DENND1A: variants seen among roughly 807,000 people sequenced by gnomAD.
DENND1A encodes the protein DENN domain containing 1A.
Under a neutral mutation model 113.7 loss-of-function variants are expected in DENND1A, and 51 were observed. That is an observed-to-expected ratio of 0.45 (90% CI 0.36 to 0.57). The LOEUF is 0.57. DENND1A is among the 20% of genes least tolerant of loss of function. The pLI, the probability that DENND1A is intolerant of heterozygous loss-of-function variation, is 0.00. For synonymous variants in DENND1A, 565 were observed against 570.8 expected, an observed-to-expected ratio of 0.99 and a Z score of 0.14; for missense variants, 1,258 against 1,395.9, an observed-to-expected ratio of 0.90 and a Z score of 1.57.
chr9:123,843,948 T>C (rs949866678), intron 2 of DENND1A, among the ~76,000 whole-genome samples: 6 of 152,132 alleles, frequency 3.9e-5, no homozygotes, highest in African/African-American at 1.4e-4. Flanking sequence ...AAGCCGTATC[T>C]AGAGAATGAT....
chr9:123,878,579 T>C (rs1346189605), intron 2 of DENND1A, among the ~76,000 whole-genome samples: 1 of 152,224 alleles, frequency 6.6e-6, no homozygotes, highest in Non-Finnish European at 1.5e-5. Flanking sequence ...TATTATTTTG[T>C]ATCCTATAAT....
At chr9:123,918,481 C>A (rs1855636469) in intron 1 of DENND1A, among the ~76,000 whole-genome samples, 1 of 122,350 alleles carries the variant, frequency 8.2e-6, no homozygotes. Context: ...GAGGGAGACT[C>A]CGTCTCAGAA....
intron 13 of DENND1A, among the ~76,000 whole-genome samples, chr9:123,522,146 A>G (rs2054449122): frequency 6.6e-6 from 1 of 152,140 alleles, no homozygotes; most frequent in Non-Finnish European, 1.5e-5. Context: ...CCTACCCCAC[A>G]AATGTTTTAT....
chr9:123,928,356 A>C (rs891388477), intron 1 of DENND1A, among the ~76,000 whole-genome samples: 2 of 152,180 alleles, frequency 1.3e-5, no homozygotes, highest in African/African-American at 4.8e-5. Flanking sequence ...ATACTCTGCA[A>C]CTCTAAGTTG....
At chr9:123,408,115 A>C (rs181797070) in intron 20 of DENND1A, among the ~76,000 whole-genome samples, 173 of 152,260 alleles carry the variant, frequency 1.1e-3, no homozygotes, top group African/African-American at 4.0e-3. Context: ...AGCCCCTGCT[A>C]CCCTGGGCCA....
At chr9:123,460,676 G>A (rs1053497773) in intron 13 of DENND1A, among the ~76,000 whole-genome samples, 5 of 152,102 alleles carry the variant, frequency 3.3e-5, no homozygotes, top group African/African-American at 1.2e-4. Context: ...CTCCATCTAC[G>A]CCTACCTTGG....
intron 13 of DENND1A, among the ~76,000 whole-genome samples, chr9:123,547,538 A>G (rs1162994791): frequency 2.0e-5 from 3 of 152,200 alleles, no homozygotes; most frequent in Non-Finnish European, 4.4e-5. Flanking sequence ...TCAAAACAAA[A>G]ACAAAACCTG....
intron 10 of DENND1A, among the ~76,000 whole-genome samples, chr9:123,611,076 C>T (rs2060398096): frequency 6.6e-6 from 1 of 152,212 alleles, no homozygotes; most frequent in Non-Finnish European, 1.5e-5. Context: ...TGAATATTAG[C>T]AGCTCAGTTT....
chr9:123,520,631 G>C (rs916228230), intron 13 of DENND1A, among the ~76,000 whole-genome samples: 1 of 152,240 alleles, frequency 6.6e-6, no homozygotes, highest in Admixed American at 6.5e-5. Flanking sequence ...GTCAGATTTG[G>C]ATGTGAATCC....
chr9:123,561,888 A>G (rs779104456), intron 12 of DENND1A, among the ~76,000 whole-genome samples: 16 of 151,938 alleles, frequency 1.1e-4, no homozygotes, highest in Non-Finnish European at 1.8e-4. Flanking sequence ...AACATTCTCC[A>G]CATCTCCTCA....
chr9:123,862,509 T>C (rs960525485), intron 2 of DENND1A, among the ~76,000 whole-genome samples: 4 of 152,200 alleles, frequency 2.6e-5, no homozygotes, highest in South Asian at 2.1e-4. Flanking sequence ...TAAAGATCCA[T>C]AAATGTGGCT....
chr9:123,628,254 G>T (rs771963156), intron 10 of DENND1A, among the ~76,000 whole-genome samples: 7 of 151,814 alleles, frequency 4.6e-5, no homozygotes, highest in Non-Finnish European at 1.0e-4. Flanking sequence ...AATAAGATGG[G>T]AAGGAGATGT....
intron 13 of DENND1A, among the ~76,000 whole-genome samples, chr9:123,504,190 T>A (rs1267794597): frequency 2.0e-5 from 3 of 152,204 alleles, no homozygotes; most frequent in Non-Finnish European, 4.4e-5. Context: ...TGGAATGAGT[T>A]GCCCTTCGCC....
At chr9:123,775,549 T>C (rs1002717251) in intron 3 of DENND1A, among the ~76,000 whole-genome samples, 42 of 152,104 alleles carry the variant, frequency 2.8e-4, no homozygotes, top group Non-Finnish European at 5.7e-4. Context: ...AGAGCACTGA[T>C]AGAAATACTA....
At chr9:123,439,323 T>G (rs1342336864) in intron 19 of DENND1A, among the ~76,000 whole-genome samples, 1 of 152,258 alleles carries the variant, frequency 6.6e-6, no homozygotes, top group East Asian at 1.9e-4. Context: ...ATATATTATC[T>G]GAAAATATTG....
At chr9:123,816,055 C>A (rs182305372) in intron 2 of DENND1A, among the ~76,000 whole-genome samples, 1 of 137,952 alleles carries the variant, frequency 7.2e-6, no homozygotes, top group Non-Finnish European at 1.5e-5. Flanking sequence ...GGCTGGAGTG[C>A]GGTGGCACAA....
intron 5 of DENND1A, among the ~76,000 whole-genome samples, chr9:123,711,486 A>AAATATATATATATATGTATATATGT (rs1318894625): frequency 4.6e-4 from 47 of 101,700 alleles, no homozygotes; most frequent in African/African-American, 1.3e-3. Context: ...TAAATTAAAA[A>AAATATATATATATATGTATATATGT]ATATATATAT....
chr9:123,399,910 C>A (rs560217953), intron 21 of DENND1A, among the ~76,000 whole-genome samples: 2 of 152,366 alleles, frequency 1.3e-5, no homozygotes, highest in African/African-American at 4.8e-5. Context: ...CCTGAGCTCC[C>A]ACTCGGGAAG....
intron 13 of DENND1A, among the ~76,000 whole-genome samples, chr9:123,530,852 A>G (rs2055237730): frequency 6.6e-6 from 1 of 152,204 alleles, no homozygotes; most frequent in African/African-American, 2.4e-5. Flanking sequence ...GATTAACAAT[A>G]ATTAATAAAA....
Sources: gnomAD v4.1 joint callset for allele counts (sites outside exome capture counted in the v4.1 genomes callset) on GRCh38, gnomAD v4.1.1 for gene constraint, MANE v1.5 for transcripts, NCBI Gene and HGNC (gene_info 2026-07-23, HGNC 2026-07-21) for gene names.